NPSR1: variants seen among roughly 807,000 people sequenced by gnomAD.
NPSR1 encodes neuropeptide S receptor.
In NPSR1, 48 loss-of-function variants were observed where a neutral mutation model predicts 46.9. That is an observed-to-expected ratio of 1.02 (90% CI 0.81 to 1.30). NPSR1 has a LOEUF of 1.30. NPSR1 is among the 50% of genes most tolerant of loss of function. The pLI, the probability that NPSR1 is intolerant of heterozygous loss-of-function variation, is 0.00. For missense variants in NPSR1, 450 were observed against 449.5 expected (o/e 1.00, Z -0.01); for synonymous variants, 176 against 168.1 (o/e 1.05, Z -0.36).
intron 8 of NPSR1, among the ~76,000 whole-genome samples, chr7:34,861,509 A>C (rs1417548813): frequency 6.6e-6 from 1 of 151,878 alleles, no homozygotes; most frequent in African/African-American, 2.4e-5. Context: ...TTGCCTTCTA[A>C]CATACTGTAC....
chr7:34,794,443 T>TA (rs1788082363), intron 3 of NPSR1, among the ~76,000 whole-genome samples: 2 of 152,094 alleles, frequency 1.3e-5, no homozygotes. Flanking sequence ...ATAACCTAGT[T>TA]AAGATGGACC....
At chr7:34,756,412 T>C (rs990119565) in intron 2 of NPSR1, among the ~76,000 whole-genome samples, 1 of 152,138 alleles carries the variant, frequency 6.6e-6, no homozygotes, top group Non-Finnish European at 1.5e-5. Flanking sequence ...CACCGGCACT[T>C]GAGAATAATG....
At chr7:34,776,215 G>A (rs1786950527) in intron 2 of NPSR1, among the ~76,000 whole-genome samples, 1 of 152,084 alleles carries the variant, frequency 6.6e-6, no homozygotes, top group Non-Finnish European at 1.5e-5. Context: ...TACAGCTGTT[G>A]TTTGGTCTAT....
chr7:34,847,344 C>A (rs1790771323), intron 7 of NPSR1, among the ~76,000 whole-genome samples: 1 of 151,930 alleles, frequency 6.6e-6, no homozygotes, highest in African/African-American at 2.4e-5. Context: ...GCGTGTATTT[C>A]CAGTCAACTT....
At chr7:34,738,378 A>G (rs886244353) in intron 2 of NPSR1, among the ~76,000 whole-genome samples, 3 of 152,222 alleles carry the variant, frequency 2.0e-5, no homozygotes, top group African/African-American at 7.2e-5. Flanking sequence ...AGGGTTACAA[A>G]AACAATCAGG....
intron 2 of NPSR1, among the ~76,000 whole-genome samples, chr7:34,708,650 G>A (rs775626882): frequency 3.3e-5 from 5 of 152,204 alleles, no homozygotes; most frequent in Admixed American, 6.5e-5. Flanking sequence ...GGCAGTCAGC[G>A]CCTAGATTCC....
intron 5 of NPSR1, 33 bp downstream of exon 5, chr7:34,827,635 G>T: frequency 5.8e-6 from 7 of 1,213,060 alleles, no homozygotes; most frequent in Non-Finnish European, 4.6e-6. Flanking sequence ...CCACACGGGG[G>T]GGTGGGGCGG....
chr7:34,796,218 T>C (rs1248687460), intron 3 of NPSR1, among the ~76,000 whole-genome samples: 1 of 152,034 alleles, frequency 6.6e-6, no homozygotes, highest in East Asian at 1.9e-4. Context: ...TAAACACAGA[T>C]CTTATATCCA....
intron 1 of NPSR1, among the ~76,000 whole-genome samples, chr7:34,669,467 G>A (rs1444408698): frequency 1.3e-5 from 2 of 152,030 alleles, no homozygotes; most frequent in African/African-American, 4.8e-5. Flanking sequence ...GGAGGCTGAG[G>A]CTGAGGCAGG....
chr7:34,842,136 A>G (rs1790585874), intron 6 of NPSR1, among the ~76,000 whole-genome samples: 1 of 152,220 alleles, frequency 6.6e-6, no homozygotes, highest in Non-Finnish European at 1.5e-5. Context: ...GGTTCCTTGA[A>G]TATATTATTT....
intron 4 of NPSR1, among the ~76,000 whole-genome samples, chr7:34,812,285 G>A (rs1789025085): frequency 6.6e-6 from 1 of 151,974 alleles, no homozygotes; most frequent in Non-Finnish European, 1.5e-5. Flanking sequence ...CAAAACCATA[G>A]AAATAATTGG....
intron 2 of NPSR1, among the ~76,000 whole-genome samples, chr7:34,764,812 G>C (rs892478004): frequency 1.3e-5 from 2 of 152,114 alleles, no homozygotes; most frequent in Non-Finnish European, 1.5e-5. Context: ...TACAAGGCAG[G>C]AGTTTGATTT....
chr7:34,796,094 G>A (rs896724311), intron 3 of NPSR1, among the ~76,000 whole-genome samples: 6 of 152,036 alleles, frequency 3.9e-5, no homozygotes, highest in Admixed American at 3.9e-4. Flanking sequence ...AAATAGTCTG[G>A]CAAAAATATA....
At chr7:34,671,602 T>A (rs1196149328) in intron 1 of NPSR1, among the ~76,000 whole-genome samples, 1 of 152,118 alleles carries the variant, frequency 6.6e-6, no homozygotes, top group Non-Finnish European at 1.5e-5. Flanking sequence ...ATGAATTGAG[T>A]GCACACCAAC....
chr7:34,665,707 T>A (rs1290722666), intron 1 of NPSR1, among the ~76,000 whole-genome samples: 10 of 152,228 alleles, frequency 6.6e-5, no homozygotes, highest in Admixed American at 3.9e-4. Context: ...TAGTCCAGCA[T>A]CATCACATCA....
chr7:34,684,015 C>G (rs770051459), intron 1 of NPSR1, among the ~76,000 whole-genome samples: 1 of 152,104 alleles, frequency 6.6e-6, no homozygotes, highest in Non-Finnish European at 1.5e-5. Flanking sequence ...GTATTTCAGC[C>G]TTTTTGCTAT....
chr7:34,706,425 A>G (rs1449001176), intron 2 of NPSR1, among the ~76,000 whole-genome samples: 2 of 152,116 alleles, frequency 1.3e-5, no homozygotes, highest in Non-Finnish European at 2.9e-5. Flanking sequence ...TCTTGGTCCT[A>G]TTCTTCTACG....
At chr7:34,791,714 T>C (rs557832216) in intron 3 of NPSR1, among the ~76,000 whole-genome samples, 6 of 152,058 alleles carry the variant, frequency 3.9e-5, no homozygotes, top group African/African-American at 1.4e-4. Flanking sequence ...AAAATTCAAA[T>C]TAAATCACAA....
intron 3 of NPSR1, among the ~76,000 whole-genome samples, chr7:34,796,527 C>A (rs1192453924): frequency 6.6e-6 from 1 of 152,034 alleles, no homozygotes; most frequent in Admixed American, 6.6e-5. Flanking sequence ...AAAACAGACA[C>A]CTCACCAAAA....
Sources: gnomAD v4.1 joint callset for allele counts (sites outside exome capture counted in the v4.1 genomes callset) on GRCh38, gnomAD v4.1.1 for gene constraint, MANE v1.5 for transcripts, NCBI Gene and HGNC (gene_info 2026-07-23, HGNC 2026-07-21) for gene names.